The following NDRG2 variants were observed in gnomAD, a reference collection of about 807,000 sequenced individuals.
The protein encoded by NDRG2 is NDRG family member 2.
A neutral mutation model predicts 58.2 loss-of-function variants in NDRG2; 34 were observed. The ratio of observed to expected loss-of-function variants is 0.58; its 90% CI spans 0.44 to 0.78. The LOEUF is 0.78. NDRG2 is among the 30% of genes least tolerant of loss of function. The pLI is 0.00. For synonymous variants in NDRG2, 187 were observed against 175.9 expected (o/e 1.06, Z -0.50); for missense variants, 434 against 471.2 (o/e 0.92, Z 0.73).
intron 1 of NDRG2, chr14:21,031,266 G>A: frequency 1.4e-6 from 2 of 1,453,134 alleles, no homozygotes; most frequent in Non-Finnish European, 1.8e-6. Context: ...TAGAGACAGG[G>A]CCGAAACAGA....
chr14:21,067,513 G>T (rs6571634), intron 1 of NDRG2, among the ~76,000 whole-genome samples: 140,949 of 152,240 alleles, frequency 0.93, 65,352 homozygotes, highest in African/African-American at 0.96. Context: ...CATCCTGGTT[G>T]CTCATTTACT....
rs994185757 is a variant in NDRG2 at position 21,024,332 on chromosome 14, T to C, written c.-309A>G. ...AGGCTGCGCGGAGGAGAGAAGGAAGTGCTGATGTGGAGGTAAGAGGGTGGC... is the reference window on the plus strand; with the variant it reads ...AGGCTGCGCGGAGGAGAGAAGGAAGCGCTGATGTGGAGGTAAGAGGGTGGC... On this transcript the variant is annotated 5_prime_UTR_variant, in exon 1 of 16. Transcript: ENST00000556147. The C allele has an allele frequency of 3.1e-6, 3 of 975,376 alleles. No homozygotes were observed. Among genetic ancestry groups the C allele is most frequent in the Non-Finnish European group, 2.4e-6 (2 of 820,930 alleles). 60.4% of individuals were successfully genotyped at this position (975,376 alleles called of 1,614,324 possible).
At chr14:21,065,232 A>G (rs574478840) in intron 1 of NDRG2, among the ~76,000 whole-genome samples, 1 of 151,946 alleles carries the variant, frequency 6.6e-6, no homozygotes, top group Non-Finnish European at 1.5e-5. Context: ...CCACTTGCAA[A>G]TATCCTCCAA....
At chr14:21,041,448 A>T (rs1884891686) in intron 1 of NDRG2, among the ~76,000 whole-genome samples, 1 of 152,054 alleles carries the variant, frequency 6.6e-6, no homozygotes, top group Non-Finnish European at 1.5e-5. Flanking sequence ...AATATTCCTC[A>T]TCTCAGTTTT....
At position 21,067,282 on chromosome 14, in the gene NDRG2, G is replaced by GTT. The variant is rs11444511; in HGVS notation, c.24+3544_24+3545dup. On this transcript the variant is annotated intron_variant, in intron 1 of 14. Coordinates refer to the NDRG2 transcript ENST00000403829. The stretch of plus-strand genomic sequence containing the variant: ...CTATAACAAGTCTAGAAAAAGGTAG[G>GTT]TTTTTTTTTTCTCTGACCCACGGGG... 4.6e-3 allele frequency among the ~76,000 whole-genome samples: 699 copies of GTT among 150,574 alleles called. 1 individual carries two copies. The highest frequency in any genetic ancestry group is 5.2e-3 in the Non-Finnish European group (351 of 67,606).
chr14:21,059,495 T>TG (rs60491809), intron 1 of NDRG2, among the ~76,000 whole-genome samples: 4 of 147,404 alleles, frequency 2.7e-5, no homozygotes, highest in African/African-American at 7.4e-5. Context: ...GTTTTTTTTT[T>TG]CTTTTGCTTT....
At chr14:21,049,617 T>C (rs556827718) in intron 1 of NDRG2, among the ~76,000 whole-genome samples, 1 of 152,096 alleles carries the variant, frequency 6.6e-6, no homozygotes, top group Non-Finnish European at 1.5e-5. Flanking sequence ...CTTCCTCATG[T>C]TGCAAATGAG....
At chr14:21,049,119 T>C (rs1290963425) in intron 1 of NDRG2, among the ~76,000 whole-genome samples, 1 of 152,174 alleles carries the variant, frequency 6.6e-6, no homozygotes, top group Non-Finnish European at 1.5e-5. Flanking sequence ...GCCCTCTGTA[T>C]TCCCTCCCAT....
At chr14:21,038,071 CTG>C (rs1566493515) in intron 1 of NDRG2, among the ~76,000 whole-genome samples, 1 of 152,198 alleles carries the variant, frequency 6.6e-6, no homozygotes, top group Non-Finnish European at 1.5e-5. Context: ...AGTTCCTGGG[CTG>C]TCCTTGAACC....
chr14:21,051,139 GGTAGCA>G (rs897055522), intron 1 of NDRG2, among the ~76,000 whole-genome samples: 1 of 152,134 alleles, frequency 6.6e-6, no homozygotes, highest in African/African-American at 2.4e-5. Context: ...TTCCACCTGG[GGTAGCA>G]GTACACTGGC....
upstream of NDRG2, chr14:21,025,780 T>A: frequency 1.8e-5 from 13 of 717,262 alleles, no homozygotes; most frequent in African/African-American, 5.4e-5. This position sits in a 1 kb window ranked among gnomAD's most constrained non-coding sequence, Gnocchi z 5.1. Flanking sequence ...GGGGCCGCTA[T>A]AAATAGAGGG....
At chr14:21,030,984 G>A (rs1190030836) in intron 1 of NDRG2, 1 of 1,583,986 alleles carries the variant, frequency 6.3e-7, no homozygotes, top group Non-Finnish European at 8.6e-7. Context: ...ATGCTCCAAA[G>A]TTTCTGGATT....
At chr14:21,032,620 A>C (rs1884301946) in intron 1 of NDRG2, 1 of 343,192 alleles carries the variant, frequency 2.9e-6, no homozygotes, top group South Asian at 2.2e-5. Context: ...GGGTAAGGGG[A>C]GAGTCTATTT....
rs190675907 is a variant in NDRG2, at chr14:21,017,697, C to G, written c.1015G>C (p.Val339Leu). Residue 339 changes from valine to leucine, a missense_variant, in exon 16 of 16, where the codon GTT becomes CTT. Transcript: ENST00000556147. ...RTASLTSAASVDGNRSRSRTL... is the reference protein window; with the variant it reads ...RTASLTSAASLDGNRSRSRTL... ...CGAGAGCGGGACCGGTTGCCATCAACGGATGCTGCACTGGTCAGAGAGGCT... is the reference window on the plus strand; with the variant it reads ...CGAGAGCGGGACCGGTTGCCATCAAGGGATGCTGCACTGGTCAGAGAGGCT... 15 of 1,608,230 alleles carry G rather than the reference C, an allele frequency of 9.3e-6. No homozygotes were observed. Among genetic ancestry groups the G allele is most frequent in the Non-Finnish European group, 1.3e-5 (15 of 1,177,302 alleles).
At chr14:21,051,123 T>A (rs1885447000) in intron 1 of NDRG2, among the ~76,000 whole-genome samples, 2 of 152,218 alleles carry the variant, frequency 1.3e-5, no homozygotes, top group Admixed American at 1.3e-4. Flanking sequence ...TCTGCACACA[T>A]CTGTGTTCCA....
intron 1 of NDRG2, among the ~76,000 whole-genome samples, chr14:21,053,350 G>T (rs760619817): frequency 6.6e-6 from 1 of 152,116 alleles, no homozygotes; most frequent in Non-Finnish European, 1.5e-5. Context: ...CACTTTGGCC[G>T]GGCGCAGTGG....
rs1879664697 is a variant in NDRG2, at chr14:21,020,674, C to T, written c.469-92G>A. The T allele has an allele frequency of 2.0e-5, 32 of 1,573,606 alleles. No individual in the cohort carries two copies. The South Asian group carries it at 3.6e-4, about 17-fold the overall frequency. ...GACCCACTCCTGGACTCCCACAGGG[C>T]CTGACTCCCCACCTAGTGCCCACTT... is the stretch of plus-strand genomic sequence containing the variant. On this transcript the variant is annotated intron_variant, in intron 7 of 15. Coordinates refer to ENST00000556147, the MANE Select transcript of NDRG2 (RefSeq NM_001320329.2).
intron 2 of NDRG2, 132 bp downstream of exon 2, chr14:21,023,109 G>A (rs1407107192): frequency 6.6e-6 from 6 of 912,710 alleles, no homozygotes; most frequent in Non-Finnish European, 1.0e-5. Context: ...AGTGTATGGG[G>A]AGAGAGACTA....
At chr14:21,025,208 G>T, upstream of NDRG2, 2 of 862,666 alleles carry the variant, frequency 2.3e-6, no homozygotes, top group Non-Finnish European at 2.8e-6. This position sits in a 1 kb window ranked among gnomAD's most constrained non-coding sequence, Gnocchi z 5.1. Flanking sequence ...CCAGACTGCC[G>T]CTCAGGAAAG....
Sources: gnomAD v4.1 joint callset for allele counts (sites outside exome capture counted in the v4.1 genomes callset) on GRCh38, gnomAD v4.1.1 for gene constraint, Gnocchi (gnomAD v3.1) non-coding constraint, MANE v1.5 for transcripts, NCBI Gene and HGNC (gene_info 2026-07-23, HGNC 2026-07-21) for gene names.